Variants in ARHGEF3 observed in about 807,000 individuals in gnomAD.
ARHGEF3 encodes 59.8 kDA protein.
In ARHGEF3, 28 loss-of-function variants were observed where a neutral mutation model predicts 63.2. The observed-to-expected ratio is 0.44, with a 90% CI of 0.33 to 0.61. ARHGEF3 has a LOEUF of 0.61. Ranked by LOEUF, ARHGEF3 falls within the 20% of genes least tolerant of loss-of-function variation. The probability of loss-of-function intolerance (pLI) is 0.03; values close to 1 mark genes in which losing one functional copy is unlikely to be tolerated. For missense variants in ARHGEF3, 533 were observed against 659.3 expected, an observed-to-expected ratio of 0.81 and a Z score of 2.10; for synonymous variants, 266 against 254.2, an observed-to-expected ratio of 1.05 and a Z score of -0.44.
At chr3:56,865,994 GA>G (rs11291963) in intron 4 of ARHGEF3, among the ~76,000 whole-genome samples, 84,008 of 148,256 alleles carry the variant, frequency 0.57, 23,938 homozygotes, top group East Asian at 0.77. Flanking sequence ...ATCTGCAAAT[GA>G]AAAAAAAAAA....
At chr3:57,026,398 C>T (rs1044064195) in intron 2 of ARHGEF3, among the ~76,000 whole-genome samples, 1 of 152,150 alleles carries the variant, frequency 6.6e-6, no homozygotes, top group Non-Finnish European at 1.5e-5. Flanking sequence ...GAGACTCTGT[C>T]TCTTAAAATA....
At chr3:57,014,533 C>G (rs905974716) in intron 2 of ARHGEF3, among the ~76,000 whole-genome samples, 3 of 147,348 alleles carry the variant, frequency 2.0e-5, no homozygotes, top group Non-Finnish European at 2.9e-5. Context: ...TCTCACAATA[C>G]TCACTGATTA....
At chr3:56,781,089 T>C (rs1029928840) in intron 1 of ARHGEF3, among the ~76,000 whole-genome samples, 1 of 152,134 alleles carries the variant, frequency 6.6e-6, no homozygotes, top group Non-Finnish European at 1.5e-5. Context: ...ATGGAGAAGA[T>C]GGCCATGTGA....
chr3:57,015,944 C>G (rs566534040), intron 2 of ARHGEF3, among the ~76,000 whole-genome samples: 1 of 152,196 alleles, frequency 6.6e-6, no homozygotes, highest in East Asian at 1.9e-4. Context: ...ATCTCCAATC[C>G]CCAGATGGCC....
chr3:57,066,304 G>A (rs187073682), intron 1 of ARHGEF3, among the ~76,000 whole-genome samples: 21 of 150,124 alleles, frequency 1.4e-4, no homozygotes, highest in Middle Eastern at 3.4e-3. Context: ...GTCTGACTCT[G>A]TCACCCAGGT....
At chr3:56,926,614 G>A (rs1366043241) in intron 3 of ARHGEF3, among the ~76,000 whole-genome samples, 1 of 152,210 alleles carries the variant, frequency 6.6e-6, no homozygotes, top group East Asian at 1.9e-4. Flanking sequence ...CCAACAGAAG[G>A]AGTTAAACAC....
chr3:57,012,027 T>C (rs1005222326), intron 2 of ARHGEF3, among the ~76,000 whole-genome samples: 7 of 152,078 alleles, frequency 4.6e-5, no homozygotes, highest in African/African-American at 2.4e-5. Flanking sequence ...AAGAGGGACA[T>C]GTGCCTTCTG....
In ARHGEF3 at chr3:56,727,833, A is replaced by G. The variant is rs1423334744; in HGVS notation, c.*1437T>C. On this transcript the variant is annotated 3_prime_UTR_variant, in exon 10 of 10. Coordinates refer to ENST00000296315, the MANE Select transcript of ARHGEF3 (RefSeq NM_019555.3). ...ATAATAAAGTATATACCTTGTTTTT[A>G]TATTGATATATCTTGTCACACAGCT... 6.6e-6 allele frequency: 1 copy of G among 152,656 alleles called. No individual in the cohort carries two copies. Among genetic ancestry groups the G allele is most frequent in the African/African-American group, 2.4e-5 (1 of 41,468 alleles). The allele number at this position is 152,656 out of a possible 1,614,324, so 9.5% of individuals were successfully genotyped here.
chr3:56,909,076 C>T (rs1352261994), intron 3 of ARHGEF3, among the ~76,000 whole-genome samples: 1 of 152,184 alleles, frequency 6.6e-6, no homozygotes, highest in Non-Finnish European at 1.5e-5. Context: ...TACAGAAAAA[C>T]ACCGCTTCGC....
chr3:57,041,946 A>C (rs894485643), intron 1 of ARHGEF3, among the ~76,000 whole-genome samples: 9 of 152,182 alleles, frequency 5.9e-5, no homozygotes, highest in Non-Finnish European at 1.3e-4. Flanking sequence ...GCTAAAAACG[A>C]GGCCACCACC....
chr3:56,870,417 G>T (rs2040399133), intron 4 of ARHGEF3, among the ~76,000 whole-genome samples: 1 of 152,142 alleles, frequency 6.6e-6, no homozygotes, highest in Non-Finnish European at 1.5e-5. Context: ...TTCTGAAAAA[G>T]GCAAAAGTAT....
intron 4 of ARHGEF3, among the ~76,000 whole-genome samples, chr3:56,826,473 A>G (rs1045115248): frequency 6.6e-6 from 1 of 152,208 alleles, no homozygotes; most frequent in African/African-American, 2.4e-5. Flanking sequence ...TGAGACTAGG[A>G]GACAAGCATA....
chr3:56,924,915 A>T (rs1181543913), intron 3 of ARHGEF3, among the ~76,000 whole-genome samples: 2 of 152,198 alleles, frequency 1.3e-5, no homozygotes. Context: ...TCTTGTTCAC[A>T]TGCCTCTGAC....
rs10530565 is a variant in ARHGEF3, at chr3:56,736,049, AACACACACACAC to A, written c.1041+1124_1041+1135del. ...ATGGCTATCTCAACACAGAAATTTA[AACACACACACAC>A]ACACACACACACACACACACACACA... On this transcript the variant is annotated intron_variant, in intron 8 of 9. Transcript: ENST00000296315. Among the ~76,000 whole-genome samples the A allele has an allele frequency of 1.5e-3, 225 of 147,176 alleles. 3 individuals carry two copies. In the South Asian group the frequency reaches 0.028, roughly 18 times the overall value.
At chr3:56,905,136 T>G (rs967620903) in intron 3 of ARHGEF3, among the ~76,000 whole-genome samples, 17 of 152,190 alleles carry the variant, frequency 1.1e-4, no homozygotes, top group Admixed American at 4.6e-4. Context: ...CTTCTCTGAT[T>G]CACCTTTCCC....
chr3:56,813,447 TTC>T (rs1297742737), intron 4 of ARHGEF3, among the ~76,000 whole-genome samples: 7 of 152,080 alleles, frequency 4.6e-5, no homozygotes, highest in African/African-American at 1.7e-4. Flanking sequence ...ACTGAAAGAG[TTC>T]TCTTTCTCCC....
chr3:57,055,755 A>G (rs546589050), intron 1 of ARHGEF3, among the ~76,000 whole-genome samples: 6 of 152,204 alleles, frequency 3.9e-5, no homozygotes, highest in Non-Finnish European at 5.9e-5. Flanking sequence ...TGTATCCTCC[A>G]GAAGCCTCTG....
chr3:57,001,241 T>C (rs905222826), intron 2 of ARHGEF3, among the ~76,000 whole-genome samples: 1 of 152,238 alleles, frequency 6.6e-6, no homozygotes, highest in Non-Finnish European at 1.5e-5. Context: ...TGCCAGGTCC[T>C]TCTGCAAATT....
chr3:56,835,336 C>G (rs201903767), intron 4 of ARHGEF3, among the ~76,000 whole-genome samples: 1 of 151,856 alleles, frequency 6.6e-6, no homozygotes, highest in East Asian at 1.9e-4. Flanking sequence ...CCACCATGCC[C>G]GGCTAATTTT....
Sources: allele counts gnomAD v4.1 joint callset (sites outside exome capture counted in the v4.1 genomes callset), GRCh38; gene constraint gnomAD v4.1.1; transcripts MANE v1.5; gene names NCBI Gene and HGNC (gene_info 2026-07-23, HGNC 2026-07-21).